The following PTPRT variants were observed in gnomAD, a reference collection of about 807,000 sequenced individuals.
The protein encoded by PTPRT is protein tyrosine phosphatase receptor type T, also known as receptor-type tyrosine-protein phosphatase T.
A neutral mutation model predicts 176.8 loss-of-function variants in PTPRT; 56 were observed. The ratio of observed to expected loss-of-function variants is 0.32; its 90% CI spans 0.26 to 0.40. The LOEUF is 0.40. Among genes scored for constraint, PTPRT ranks in the 10% least tolerant of loss-of-function variants. PTPRT has a pLI of 1.00. For synonymous variants in PTPRT, 783 were observed against 739.0 expected, an observed-to-expected ratio of 1.06 and a Z score of -0.96; for missense variants, 1,540 against 1,908.2, an observed-to-expected ratio of 0.81 and a Z score of 3.60.
chr20:43,043,235 G>A (rs148781600), intron 1 of PTPRT, among the ~76,000 whole-genome samples: 3 of 152,206 alleles, frequency 2.0e-5, no homozygotes, highest in Non-Finnish European at 2.9e-5. Flanking sequence ...AGCAAACGAC[G>A]CCCTCCCTCA....
chr20:43,162,017 A>T (rs1216093534), intron 1 of PTPRT, among the ~76,000 whole-genome samples: 12 of 152,216 alleles, frequency 7.9e-5, no homozygotes. Flanking sequence ...CAACATTACC[A>T]TGCTAATATG....
intron 27 of PTPRT, among the ~76,000 whole-genome samples, chr20:42,094,070 AG>A (rs1462137827): frequency 6.6e-6 from 1 of 152,222 alleles, no homozygotes; most frequent in African/African-American, 2.4e-5. Flanking sequence ...CCACCCTGAA[AG>A]GGGGAGCTAT....
chr20:43,051,624 G>GAAAAAAAAA (rs1361424341), intron 1 of PTPRT, among the ~76,000 whole-genome samples: 1 of 48,292 alleles, frequency 2.1e-5, no homozygotes, highest in Non-Finnish European at 3.0e-5. Flanking sequence ...CTCTGTAACT[G>GAAAAAAAAA]TAAAAAAAAA....
chr20:42,569,905 G>A (rs553564061), intron 7 of PTPRT, among the ~76,000 whole-genome samples: 8 of 152,206 alleles, frequency 5.3e-5, no homozygotes, highest in African/African-American at 1.2e-4. Flanking sequence ...TTTTGTGCTC[G>A]GTTCCTTACA....
chr20:42,743,740 A>T (rs1391512323), intron 6 of PTPRT, among the ~76,000 whole-genome samples: 1 of 152,196 alleles, frequency 6.6e-6, no homozygotes, highest in African/African-American at 2.4e-5. Context: ...TGAAGTTTAA[A>T]AACAATACAA....
chr20:43,126,912 T>G (rs1336562498), intron 1 of PTPRT, among the ~76,000 whole-genome samples: 1 of 152,198 alleles, frequency 6.6e-6, no homozygotes, highest in Non-Finnish European at 1.5e-5. Context: ...GAAGGACATC[T>G]GCCCAGAAGC....
chr20:42,771,907 A>T (rs1461796759), intron 4 of PTPRT, among the ~76,000 whole-genome samples: 1 of 152,198 alleles, frequency 6.6e-6, no homozygotes, highest in Non-Finnish European at 1.5e-5. Context: ...ATTGGCACAA[A>T]CATGCCTAGA....
chr20:42,139,697 T>G (rs1322197565), intron 18 of PTPRT, among the ~76,000 whole-genome samples: 10 of 152,140 alleles, frequency 6.6e-5, no homozygotes, highest in African/African-American at 2.2e-4. Context: ...AGGGCTAGGG[T>G]GAAGCAAGCT....
In PTPRT at chr20:42,811,985, G is replaced by T. The variant is rs74893698; in HGVS notation, c.215-20519C>A. Among the ~76,000 whole-genome samples the T allele has an allele frequency of 3.2e-3, 483 of 152,078 alleles. 3 individuals are homozygous for T. Among genetic ancestry groups the T allele is most frequent in the African/African-American group, 0.011 (465 of 41,490 alleles). On this transcript the variant is annotated intron_variant, in intron 2 of 30. Coordinates refer to ENST00000373187, the MANE Select transcript of PTPRT (RefSeq NM_007050.6). The stretch of plus-strand genomic sequence containing the variant: ...ATATTCTATTATATTCTTGAACTAT[G>T]CTTTCTTTCCCTCAAATCTTTTAGA...
At chr20:42,203,032 T>C (rs536984168) in intron 15 of PTPRT, among the ~76,000 whole-genome samples, 1 of 152,338 alleles carries the variant, frequency 6.6e-6, no homozygotes, top group East Asian at 1.9e-4. Context: ...ATATCAGATA[T>C]ATTACATCCT....
intron 7 of PTPRT, among the ~76,000 whole-genome samples, chr20:42,573,751 T>TTC (rs1003311758): frequency 7.4e-5 from 10 of 135,722 alleles, no homozygotes; most frequent in African/African-American, 2.8e-4. Context: ...CTTTCTTTCT[T>TTC]TTTTTTTTTT....
intron 26 of PTPRT, among the ~76,000 whole-genome samples, chr20:42,099,081 A>G (rs1985596960): frequency 6.6e-6 from 1 of 152,240 alleles, no homozygotes; most frequent in African/African-American, 2.4e-5. Context: ...GAAAGTACAC[A>G]TGCATTATTA....
chr20:42,190,805 A>T (rs1233044208), intron 16 of PTPRT, among the ~76,000 whole-genome samples: 1 of 152,176 alleles, frequency 6.6e-6, no homozygotes, highest in East Asian at 1.9e-4. Flanking sequence ...AAATGGGAAT[A>T]ATAACATCTA....
At chr20:43,081,695 C>T (rs1263457308) in intron 1 of PTPRT, among the ~76,000 whole-genome samples, 1 of 152,176 alleles carries the variant, frequency 6.6e-6, no homozygotes, top group Non-Finnish European at 1.5e-5. Flanking sequence ...CCAAGACTGA[C>T]TTTCTGACCT....
intron 9 of PTPRT, among the ~76,000 whole-genome samples, chr20:42,408,060 T>C (rs2058978319): frequency 6.6e-6 from 1 of 152,162 alleles, no homozygotes; most frequent in African/African-American, 2.4e-5. Context: ...CTCAATATTA[T>C]AAATGTCAGT....
Position 43,051,747 on chromosome 20 carries a change from A to C in PTPRT, c.88+137899T>G, listed in dbSNP as rs1477246522. ...ATCTCTCTAGGAAAAAAATCTCATC[A>C]AAGACAATATTTTACTCAAAAATTC... On this transcript the variant is annotated intron_variant, in intron 1 of 30. Coordinates refer to ENST00000373187, the MANE Select transcript of PTPRT (RefSeq NM_007050.6). Among the ~76,000 whole-genome samples, 6 of 152,174 alleles carry C rather than the reference A, an allele frequency of 3.9e-5. No individual in the cohort carries two copies. In the South Asian group the frequency reaches 6.2e-4, roughly 16 times the overall value.
At chr20:43,053,282 T>C (rs967981895) in intron 1 of PTPRT, among the ~76,000 whole-genome samples, 2 of 152,222 alleles carry the variant, frequency 1.3e-5, no homozygotes, top group African/African-American at 2.4e-5. Flanking sequence ...CCAGATCCAC[T>C]GTTCTGGATG....
chr20:42,067,515 C>T, the PTPRT span, among the ~76,000 whole-genome samples: 3 of 152,148 alleles, frequency 2.0e-5, no homozygotes, highest in Admixed American at 6.5e-5. Context: ...TGCTCTTGCA[C>T]CCTATGCTAG....
At chr20:43,099,436 T>C (rs2012303270) in intron 1 of PTPRT, among the ~76,000 whole-genome samples, 1 of 152,162 alleles carries the variant, frequency 6.6e-6, no homozygotes, top group East Asian at 1.9e-4. Context: ...CACAAGTCTG[T>C]GTACTCTGGG....
Sources: allele counts gnomAD v4.1 joint callset (sites outside exome capture counted in the v4.1 genomes callset), GRCh38; gene constraint gnomAD v4.1.1; transcripts MANE v1.5; gene names NCBI Gene and HGNC (gene_info 2026-07-23, HGNC 2026-07-21).